PTPRM: variants seen among roughly 807,000 people sequenced by gnomAD.
PTPRM encodes the protein receptor-type tyrosine-protein phosphatase mu.
PTPRM carries 47 observed loss-of-function variants against 186.7 expected under a neutral mutation model. The observed-to-expected ratio is 0.25, with a 90% confidence interval of 0.20 to 0.32. PTPRM has a LOEUF of 0.32. PTPRM is among the 10% of genes least tolerant of loss of function. The pLI is 1.00. For missense variants in PTPRM, 1,494 were observed against 1,865.0 expected, an observed-to-expected ratio of 0.80 and a Z score of 3.66; for synonymous variants, 668 against 674.9, an observed-to-expected ratio of 0.99 and a Z score of 0.16.
chr18:7,616,462 C>A (rs1369631288), intron 1 of PTPRM, among the ~76,000 whole-genome samples: 1 of 152,118 alleles, frequency 6.6e-6, no homozygotes, highest in Admixed American at 6.5e-5. Context: ...CACAATGCTC[C>A]ACTGCAGATC....
intron 7 of PTPRM, among the ~76,000 whole-genome samples, chr18:8,024,931 G>A (rs1156806489): frequency 6.6e-6 from 1 of 151,908 alleles, no homozygotes; most frequent in Non-Finnish European, 1.5e-5. Flanking sequence ...CCATCCTCCT[G>A]CTTTGGCCTC....
intron 1 of PTPRM, among the ~76,000 whole-genome samples, chr18:7,659,943 G>T (rs980353685): frequency 6.6e-6 from 1 of 152,156 alleles, no homozygotes; most frequent in Non-Finnish European, 1.5e-5. Flanking sequence ...GGTTCAGAGG[G>T]CTCTGTGGAC....
At chr18:8,103,264 T>G (rs901924363) in intron 11 of PTPRM, among the ~76,000 whole-genome samples, 2 of 152,184 alleles carry the variant, frequency 1.3e-5, no homozygotes, top group Non-Finnish European at 1.5e-5. Context: ...ACACCAGACA[T>G]TGACTTCTCC....
At chr18:7,858,999 C>A (rs2047220404) in intron 2 of PTPRM, among the ~76,000 whole-genome samples, 1 of 152,128 alleles carries the variant, frequency 6.6e-6, no homozygotes, top group Non-Finnish European at 1.5e-5. Flanking sequence ...AACAGAGTTC[C>A]TGAGGCAGTC....
At chr18:8,211,377 CTTTTTTT>C (rs970926126) in intron 14 of PTPRM, among the ~76,000 whole-genome samples, 45 of 87,236 alleles carry the variant, frequency 5.2e-4, no homozygotes, top group East Asian at 1.5e-3. Flanking sequence ...GTCTCTTCTT[CTTTTTTT>C]TTTTTTTTTT....
At chr18:7,939,911 A>G (rs1021883119) in intron 5 of PTPRM, among the ~76,000 whole-genome samples, 6 of 152,068 alleles carry the variant, frequency 3.9e-5, no homozygotes, top group African/African-American at 7.2e-5. Flanking sequence ...GTGGCTGACA[A>G]TTTTGCTGTG....
At chr18:7,719,446 G>C (rs1009517969) in intron 1 of PTPRM, among the ~76,000 whole-genome samples, 2 of 152,014 alleles carry the variant, frequency 1.3e-5, no homozygotes, top group Non-Finnish European at 2.9e-5. Flanking sequence ...ACACTGCTCA[G>C]GTGACAAGTG....
At chr18:8,111,133 G>A (rs2091735238) in intron 11 of PTPRM, among the ~76,000 whole-genome samples, 2 of 152,216 alleles carry the variant, frequency 1.3e-5, no homozygotes, top group Admixed American at 6.5e-5. Flanking sequence ...CTCTGTGTGT[G>A]TTGGGCACCT....
At position 7,774,262 on chromosome 18, in the gene PTPRM, A is replaced by G. The variant is rs2042475865; in HGVS notation, c.187A>G (p.Met63Val). The G allele has an allele frequency of 1.2e-6, 2 of 1,613,818 alleles. No homozygotes were observed. Among genetic ancestry groups the G allele is most frequent in the Non-Finnish European group, 8.5e-7 (1 of 1,179,932 alleles). The stretch of plus-strand genomic sequence containing the variant: ...GACTAAACCGACTTCTGATCCATGG[A>G]TGCCATCAGGTTTGCTTTTAGTTTT... ...TLTKPTSDPW[M>V]PSGSFMLVNA... The change falls in exon 2 of 33, where the codon ATG (methionine) becomes GTG (valine). Residue 63 changes from methionine (M) to valine (V), a missense_variant. Met to Val is a conservative substitution (Grantham distance 21, BLOSUM62 1). This residue lies in a region of PTPRM where 296 missense variants were observed against 345.5 expected (regional missense o/e 0.86). Coordinates refer to ENST00000580170, the MANE Select transcript of PTPRM (RefSeq NM_001105244.2).
At chr18:7,706,413 A>G (rs990771020) in intron 1 of PTPRM, among the ~76,000 whole-genome samples, 1 of 151,858 alleles carries the variant, frequency 6.6e-6, no homozygotes, top group Non-Finnish European at 1.5e-5. Context: ...CCTGGACAGC[A>G]TAGGGAGACC....
chr18:8,163,198 T>A (rs2093263427), intron 14 of PTPRM, among the ~76,000 whole-genome samples: 2 of 152,198 alleles, frequency 1.3e-5, no homozygotes, highest in African/African-American at 4.8e-5. Context: ...AAACAACCTA[T>A]TCATTTGAAT....
intron 32 of PTPRM, among the ~76,000 whole-genome samples, chr18:8,399,390 T>C (rs756829168): frequency 6.6e-6 from 1 of 152,218 alleles, no homozygotes; most frequent in Non-Finnish European, 1.5e-5. Flanking sequence ...TGGTTTGGTC[T>C]AGTCTGTCAG....
intron 14 of PTPRM, among the ~76,000 whole-genome samples, chr18:8,232,353 A>G (rs576013783): frequency 1.3e-5 from 2 of 152,306 alleles, no homozygotes; most frequent in East Asian, 1.9e-4. Context: ...CCATTCACCT[A>G]TTGAAGGACA....
Position 8,384,609 on chromosome 18 carries a change from A to G in PTPRM, c.3967A>G (p.Ile1323Val). The change falls in exon 30 of 33, where the codon ATC (isoleucine) becomes GTC (valine). Residue 1323 changes from isoleucine (I) to valine (V), a missense_variant. Physicochemically the swap from Ile to Val is conservative, Grantham distance 29 (BLOSUM62 3). Around this residue, in one of 3 missense-constraint regions of PTPRM, gnomAD observed 1,107 missense variants for 1,350.2 expected, o/e 0.82. Transcript: ENST00000580170. ...PENGVHRHGPIQVEFVSADLE... is the reference protein window; with the variant it reads ...PENGVHRHGPVQVEFVSADLE... The stretch of plus-strand genomic sequence containing the variant: ...AAACGGAGTACACAGACACGGCCCC[A>G]TCCAGGTGGAATTTGTCTCTGCTGA... 1 of 1,614,144 alleles carries G rather than the reference A, an allele frequency of 6.2e-7. No individual in the cohort carries two copies. Among genetic ancestry groups the G allele is most frequent in the Non-Finnish European group, 8.5e-7 (1 of 1,179,974 alleles).
chr18:8,128,806 G>A (rs1431432833), intron 13 of PTPRM, among the ~76,000 whole-genome samples: 1 of 152,000 alleles, frequency 6.6e-6, no homozygotes, highest in Non-Finnish European at 1.5e-5. Context: ...TTTGTATTAT[G>A]TAAACTTAAG....
At chr18:7,681,798 A>G in intron 1 of PTPRM, among the ~76,000 whole-genome samples, 1 of 152,174 alleles carries the variant, frequency 6.6e-6, no homozygotes, top group Non-Finnish European at 1.5e-5. Context: ...TGGTCTTCTC[A>G]TACCTATGGC....
chr18:7,845,422 T>G (rs932766222), intron 2 of PTPRM, among the ~76,000 whole-genome samples: 3 of 152,182 alleles, frequency 2.0e-5, no homozygotes, highest in African/African-American at 7.2e-5. Flanking sequence ...GTCACTTTTT[T>G]TGTGAAGCAG....
chr18:7,884,020 A>C (rs2048638792), intron 2 of PTPRM, among the ~76,000 whole-genome samples: 1 of 152,010 alleles, frequency 6.6e-6, no homozygotes, highest in Admixed American at 6.6e-5. Flanking sequence ...GGTGATGCAC[A>C]CCTATGATCC....
At chr18:8,225,319 G>A (rs2094200375) in intron 14 of PTPRM, among the ~76,000 whole-genome samples, 1 of 152,094 alleles carries the variant, frequency 6.6e-6, no homozygotes, top group African/African-American at 2.4e-5. Context: ...GAATATTTTA[G>A]AGTAATTACT....
Sources: gnomAD v4.1 joint callset for allele counts (sites outside exome capture counted in the v4.1 genomes callset) on GRCh38, gnomAD v4.1.1 for gene constraint, gnomAD v4.1.1 regional missense constraint, MANE v1.5 for transcripts, NCBI Gene and HGNC (gene_info 2026-07-23, HGNC 2026-07-21) for gene names.